The following DTNA variants were observed in gnomAD, a reference collection of about 807,000 sequenced individuals.
DTNA encodes dystrophin-related protein 3.
In DTNA, 43 loss-of-function variants were observed where a neutral mutation model predicts 100.7. The ratio of observed to expected loss-of-function variants is 0.43; its 90% CI spans 0.33 to 0.55. The LOEUF (loss-of-function observed/expected upper bound fraction) is 0.55, where lower values mean the gene tolerates loss of function less well. DTNA is among the 20% of genes least tolerant of loss of function. The pLI, the probability that DTNA is intolerant of heterozygous loss-of-function variation, is 0.04. For synonymous variants in DTNA, 349 were observed against 347.9 expected (o/e 1.00, Z -0.04); for missense variants, 798 against 953.9 (o/e 0.84, Z 2.15).
At chr18:34,886,522 AC>A (rs2096923054) in intron 22 of DTNA, among the ~76,000 whole-genome samples, 1 of 152,236 alleles carries the variant, frequency 6.6e-6, no homozygotes, top group African/African-American at 2.4e-5. Flanking sequence ...CATTATTTAA[AC>A]ATCAGTAGCT....
intron 1 of DTNA, among the ~76,000 whole-genome samples, chr18:34,601,351 A>G (rs1302034319): frequency 6.6e-6 from 1 of 152,214 alleles, no homozygotes; most frequent in Non-Finnish European, 1.5e-5. Flanking sequence ...GGGTGTTGCC[A>G]TAGCAATGGG....
chr18:34,659,827 A>G (rs1468556658), intron 1 of DTNA, among the ~76,000 whole-genome samples: 1 of 152,210 alleles, frequency 6.6e-6, no homozygotes, highest in East Asian at 1.9e-4. Context: ...CTCATTGCCT[A>G]TGAATGGCCC....
intron 4 of DTNA, among the ~76,000 whole-genome samples, chr18:34,801,699 C>T (rs560995975): frequency 1.2e-3 from 187 of 151,808 alleles, no homozygotes; most frequent in African/African-American, 4.2e-3. Context: ...TTAGTAGAGA[C>T]GGGTTTTCAC....
intron 5 of DTNA, among the ~76,000 whole-genome samples, chr18:34,807,844 G>A (rs1318844655): frequency 7.0e-6 from 1 of 143,460 alleles, no homozygotes; most frequent in East Asian, 2.1e-4. Flanking sequence ...GACACCGAGG[G>A]CTTTTTTTTT....
In DTNA at chr18:34,655,558, A is replaced by G. The variant is rs568828271; in HGVS notation, c.-1-100418A>G. Among the ~76,000 whole-genome samples, 5 of 152,358 alleles carry G rather than the reference A, an allele frequency of 3.3e-5. No individual in the cohort carries two copies. In the South Asian group the frequency reaches 6.2e-4, roughly 19 times the overall value. Reference sequence around the variant, plus strand: ...AGACTATTGTGCATTTTACCCTTGTATCTTTCAATTTACTCATGTGTCTTC... The same window carrying G: ...AGACTATTGTGCATTTTACCCTTGTGTCTTTCAATTTACTCATGTGTCTTC... On this transcript the variant is annotated intron_variant, in intron 1 of 19. Coordinates refer to the DTNA transcript ENST00000283365.
At chr18:34,615,287 C>T (rs1204317350) in intron 1 of DTNA, among the ~76,000 whole-genome samples, 1 of 152,148 alleles carries the variant, frequency 6.6e-6, no homozygotes, top group Non-Finnish European at 1.5e-5. Flanking sequence ...AAGGACAGCA[C>T]CAAGCCATGA....
At chr18:34,791,282 C>T (rs2094728808) in intron 3 of DTNA, among the ~76,000 whole-genome samples, 1 of 152,160 alleles carries the variant, frequency 6.6e-6, no homozygotes, top group Non-Finnish European at 1.5e-5. Flanking sequence ...GCTCAAGTTC[C>T]CAGTCCATGC....
intron 3 of DTNA, among the ~76,000 whole-genome samples, chr18:34,774,516 C>T (rs919040702): frequency 2.5e-4 from 38 of 152,344 alleles, no homozygotes; most frequent in African/African-American, 9.1e-4. Flanking sequence ...TTAGCAATCA[C>T]TCATTTATGT....
chr18:34,534,076 G>A (rs184422542), intron 1 of DTNA, among the ~76,000 whole-genome samples: 1 of 152,116 alleles, frequency 6.6e-6, no homozygotes, highest in Non-Finnish European at 1.5e-5. Flanking sequence ...GCTGGGCATG[G>A]TGGCTCACAC....
chr18:34,754,283 C>T (rs1441710484), intron 1 of DTNA, among the ~76,000 whole-genome samples: 3 of 152,058 alleles, frequency 2.0e-5, no homozygotes, highest in Non-Finnish European at 4.4e-5. Flanking sequence ...AGCTCATTAC[C>T]TTTTGAGCAG....
At chr18:34,809,772 A>T (rs540145030) in intron 5 of DTNA, among the ~76,000 whole-genome samples, 1 of 152,240 alleles carries the variant, frequency 6.6e-6, no homozygotes, top group Non-Finnish European at 1.5e-5. Context: ...AGAAAGCAAC[A>T]GAAAATTTGA....
chr18:34,838,604 A>G (rs1158388970), intron 12 of DTNA, 141 bp from the exon 13 acceptor site: 9 of 721,490 alleles, frequency 1.2e-5, no homozygotes, highest in African/African-American at 6.9e-5. Context: ...TGTGTTTTTC[A>G]TAGCACATCA....
At chr18:34,605,843 T>G (rs1472858847) in intron 1 of DTNA, among the ~76,000 whole-genome samples, 1 of 152,186 alleles carries the variant, frequency 6.6e-6, no homozygotes, top group East Asian at 1.9e-4. Context: ...ATTAAATTAC[T>G]TATATCTGGA....
chr18:34,603,768 G>A (rs1251193906), intron 1 of DTNA, among the ~76,000 whole-genome samples: 2 of 152,076 alleles, frequency 1.3e-5, no homozygotes, highest in East Asian at 1.9e-4. Flanking sequence ...ATCACACATC[G>A]TTAAATTTAT....
chr18:34,532,421 A>G (rs1347154189), intron 1 of DTNA, among the ~76,000 whole-genome samples: 1 of 152,088 alleles, frequency 6.6e-6, no homozygotes, highest in Non-Finnish European at 1.5e-5. Context: ...GAGTGTGGAA[A>G]ACTGCTCTAA....
chr18:34,846,276 A>G (rs1435610664), intron 13 of DTNA, among the ~76,000 whole-genome samples: 1 of 152,070 alleles, frequency 6.6e-6, no homozygotes, highest in Non-Finnish European at 1.5e-5. Context: ...ACTGCTCTAG[A>G]TAATTGTCAG....
At chr18:34,851,290 T>A (rs1000332936) in intron 14 of DTNA, among the ~76,000 whole-genome samples, 3 of 152,034 alleles carry the variant, frequency 2.0e-5, no homozygotes, top group African/African-American at 7.2e-5. Flanking sequence ...TTAGTAGAGA[T>A]GGGATTTCCC....
At chr18:34,801,328 A>G (rs898295220) in intron 4 of DTNA, among the ~76,000 whole-genome samples, 1 of 152,258 alleles carries the variant, frequency 6.6e-6, no homozygotes, top group Non-Finnish European at 1.5e-5. Context: ...CTAGAACAAG[A>G]AAGTAAAGTT....
At chr18:34,533,727 A>T (rs2043392156) in intron 1 of DTNA, among the ~76,000 whole-genome samples, 2 of 152,156 alleles carry the variant, frequency 1.3e-5, no homozygotes, top group African/African-American at 4.8e-5. Context: ...TGTGTATATA[A>T]ACCATACAAG....
Sources: allele counts gnomAD v4.1 joint callset (sites outside exome capture counted in the v4.1 genomes callset), GRCh38; gene constraint gnomAD v4.1.1; transcripts MANE v1.5; gene names NCBI Gene and HGNC (gene_info 2026-07-23, HGNC 2026-07-21).